Variants in ASIC2 observed in about 807,000 individuals in gnomAD.
ASIC2 encodes acid sensing ion channel subunit 2.
In ASIC2, 25 loss-of-function variants were observed where a neutral mutation model predicts 57.3. The observed-to-expected ratio is 0.44, with a 90% CI of 0.32 to 0.61. The LOEUF (loss-of-function observed/expected upper bound fraction) is 0.61, where lower values mean the gene tolerates loss of function less well. Ranked by LOEUF, ASIC2 falls within the 20% of genes least tolerant of loss-of-function variation. The probability of loss-of-function intolerance (pLI) is 0.06; values close to 1 mark genes in which losing one functional copy is unlikely to be tolerated. For missense variants in ASIC2, 641 were observed against 738.1 expected (o/e 0.87, Z 1.52); for synonymous variants, 319 against 307.5 (o/e 1.04, Z -0.39).
intron 1 of ASIC2, among the ~76,000 whole-genome samples, chr17:33,308,903 G>A (rs563211504): frequency 4.2e-4 from 64 of 152,230 alleles, no homozygotes; most frequent in African/African-American, 1.5e-3. Flanking sequence ...TCCTTTGTCG[G>A]GTAGACAGGG....
At chr17:33,241,240 G>C (rs1247566892) in intron 1 of ASIC2, among the ~76,000 whole-genome samples, 2 of 152,196 alleles carry the variant, frequency 1.3e-5, no homozygotes, top group African/African-American at 2.4e-5. Context: ...ACTTTATTAA[G>C]ACTTACAGGA....
At chr17:34,004,729 C>A (rs1239841795) in intron 1 of ASIC2, 3 of 152,192 alleles carry the variant, frequency 2.0e-5, no homozygotes, top group Non-Finnish European at 4.4e-5. Flanking sequence ...GCTTCTTGCC[C>A]ATTCAATGAT....
chr17:33,511,316 C>G (rs1298837660), intron 1 of ASIC2, among the ~76,000 whole-genome samples: 1 of 152,152 alleles, frequency 6.6e-6, no homozygotes, highest in African/African-American at 2.4e-5. Context: ...GTCTTCTGCT[C>G]AGTCTCTTTT....
intron 1 of ASIC2, among the ~76,000 whole-genome samples, chr17:33,782,468 C>T (rs1911482952): frequency 6.6e-6 from 1 of 150,778 alleles, no homozygotes; most frequent in Admixed American, 6.6e-5. Flanking sequence ...TGGTGGCTCA[C>T]ACCTGTAATT....
intron 1 of ASIC2, among the ~76,000 whole-genome samples, chr17:33,223,901 G>A (rs1907780811): frequency 6.6e-6 from 1 of 152,226 alleles, no homozygotes; most frequent in Non-Finnish European, 1.5e-5. Context: ...TAGAGGGACA[G>A]GGTTTGCTGG....
At chr17:33,454,962 G>A (rs1001424359) in intron 1 of ASIC2, among the ~76,000 whole-genome samples, 1 of 152,138 alleles carries the variant, frequency 6.6e-6, no homozygotes, top group African/African-American at 2.4e-5. Context: ...ATCTAATTGG[G>A]TATTGAATTC....
chr17:33,184,824 A>T (rs890827137), intron 1 of ASIC2, among the ~76,000 whole-genome samples: 14 of 152,194 alleles, frequency 9.2e-5, no homozygotes, highest in African/African-American at 3.4e-4. Flanking sequence ...ACAGTCCTAT[A>T]TTACTAAACT....
chr17:33,081,161 T>C (rs2092111711), intron 3 of ASIC2, among the ~76,000 whole-genome samples: 1 of 152,196 alleles, frequency 6.6e-6, no homozygotes, highest in Non-Finnish European at 1.5e-5. Flanking sequence ...CAATCAGCAA[T>C]TCTTTGAAGA....
chr17:33,188,471 T>C (rs184828815), intron 1 of ASIC2, among the ~76,000 whole-genome samples: 11 of 152,144 alleles, frequency 7.2e-5, no homozygotes, highest in African/African-American at 2.6e-4. Context: ...ATCAATGAAC[T>C]GCAAATATAA....
chr17:33,699,592 G>A (rs989606389), intron 1 of ASIC2, among the ~76,000 whole-genome samples: 2 of 152,074 alleles, frequency 1.3e-5, no homozygotes, highest in African/African-American at 2.4e-5. Context: ...GTGGACAATG[G>A]TTACAGCTCA....
chr17:33,626,326 T>C (rs1228734115), intron 1 of ASIC2, among the ~76,000 whole-genome samples: 2 of 152,242 alleles, frequency 1.3e-5, no homozygotes, highest in African/African-American at 4.8e-5. Context: ...TAATTATTCA[T>C]TTACCACGTA....
chr17:34,111,458 T>G (rs1240995049), intron 1 of ASIC2, among the ~76,000 whole-genome samples: 1 of 151,964 alleles, frequency 6.6e-6, no homozygotes, highest in Non-Finnish European at 1.5e-5. Context: ...ACAGTAGGTG[T>G]CAAAATTCAA....
At chr17:33,965,394 G>C (rs1353582174) in intron 1 of ASIC2, among the ~76,000 whole-genome samples, 1 of 152,048 alleles carries the variant, frequency 6.6e-6, no homozygotes, top group Non-Finnish European at 1.5e-5. Flanking sequence ...GCCACACCTT[G>C]CAGGGTTCCC....
At position 33,838,092 on chromosome 17, in the gene ASIC2, C is replaced by T. The variant is rs568510019; in HGVS notation, c.555+317886G>A. 2.6e-5 allele frequency among the ~76,000 whole-genome samples: 4 copies of T among 152,272 alleles called. No homozygotes were observed. In the South Asian group the frequency reaches 8.3e-4, roughly 32 times the overall value. ...CTTGAGTCTAATAAAGAATTTGAAG[C>T]AGTAGTTTTGTGTTTATGTAATTAT... On this transcript the variant is annotated intron_variant, in intron 1 of 9. Coordinates refer to the ASIC2 transcript ENST00000359872.
intron 3 of ASIC2, among the ~76,000 whole-genome samples, chr17:33,086,766 G>C (rs942535587): frequency 1.3e-5 from 2 of 151,942 alleles, no homozygotes; most frequent in Non-Finnish European, 2.9e-5. Context: ...GCCAACACCT[G>C]AATATAGGGC....
intron 3 of ASIC2, among the ~76,000 whole-genome samples, chr17:33,053,578 T>A (rs2091986101): frequency 6.6e-6 from 1 of 152,202 alleles, no homozygotes; most frequent in Non-Finnish European, 1.5e-5. Context: ...CAAGAGCTTC[T>A]TAACTGGCCT....
intron 1 of ASIC2, among the ~76,000 whole-genome samples, chr17:33,324,644 A>G (rs1200002034): frequency 6.6e-6 from 1 of 152,050 alleles, no homozygotes; most frequent in African/African-American, 2.4e-5. Context: ...CATTGCTCTC[A>G]TCTCAGCATT....
chr17:33,201,160 T>C lies in ASIC2; in HGVS notation c.709-89093A>G, dbSNP rs866228284. Among the ~76,000 whole-genome samples the C allele has an allele frequency of 2.6e-5, 4 of 152,332 alleles. No homozygotes were observed. In the South Asian group the frequency reaches 6.2e-4, roughly 24 times the overall value. ...CATCATACTGTATGTTTTACTTATG[T>C]ATCTTGTTTATTTTCTATCTCCTCC... is the stretch of plus-strand genomic sequence containing the variant. On this transcript the variant is annotated intron_variant, in intron 1 of 9. Transcript: ENST00000225823.
At chr17:33,296,276 C>T (rs1004624804), upstream of ASIC2, among the ~76,000 whole-genome samples, 1 of 152,110 alleles carries the variant, frequency 6.6e-6, no homozygotes, top group Non-Finnish European at 1.5e-5. Flanking sequence ...GGTTAAGTTA[C>T]TCACTTTAAG....
Sources: gnomAD v4.1 joint callset for allele counts (sites outside exome capture counted in the v4.1 genomes callset) on GRCh38, gnomAD v4.1.1 for gene constraint, MANE v1.5 for transcripts, NCBI Gene and HGNC (gene_info 2026-07-23, HGNC 2026-07-21) for gene names.